The following SIGIRR variants were observed in gnomAD, a reference collection of about 807,000 sequenced individuals.
The protein encoded by SIGIRR is single Ig IL-1-related receptor.
Under a neutral mutation model 45.6 loss-of-function variants are expected in SIGIRR, and 41 were observed. The ratio of observed to expected loss-of-function variants is 0.90; its 90% CI spans 0.70 to 1.17. The LOEUF (loss-of-function observed/expected upper bound fraction) is 1.17, where lower values mean the gene tolerates loss of function less well. Ranked by LOEUF, SIGIRR falls within the 50% of genes most tolerant of loss-of-function variation. The probability of loss-of-function intolerance (pLI) is 0.00; values close to 1 mark genes in which losing one functional copy is unlikely to be tolerated. For missense variants in SIGIRR, 599 were observed against 539.6 expected (o/e 1.11, Z -1.09); for synonymous variants, 298 against 239.0 (o/e 1.25, Z -2.28).
Position 407,877 on chromosome 11 carries a change from T to C in SIGIRR, c.421A>G (p.Lys141Glu), listed in dbSNP as rs770068555. The C allele has an allele frequency of 6.2e-7, 1 of 1,612,486 alleles. No individual in the cohort carries two copies. The highest frequency in any genetic ancestry group is 1.1e-5 in the South Asian group (1 of 91,072). ...CAGAGCAGCACGTTGAGACGGCACT[T>C]GACATAGAGCAGGGCGGCCAGCAGC... ...ALLLAALLYV[K>E]CRLNVLLWYQ... The change falls in exon 5 of 10, where the codon AAG becomes GAG. Residue 141 changes from lysine (K) to glutamate (E), a missense_variant. Physicochemically the swap from Lys to Glu is moderately conservative, Grantham distance 56. Transcript: ENST00000431843.
At chr11:415,491 C>T (rs941191374), upstream of SIGIRR, among the ~76,000 whole-genome samples, 11 of 152,082 alleles carry the variant, frequency 7.2e-5, no homozygotes, top group East Asian at 1.9e-4. This position sits in a 1 kb window ranked among gnomAD's most constrained non-coding sequence, Gnocchi z 6.6. Flanking sequence ...GCCAAGGGGC[C>T]GGTTTGCTCC....
intron 6 of SIGIRR, 58 bp downstream of exon 6, chr11:407,367 G>GGGATA: frequency 1.4e-6 from 2 of 1,387,808 alleles, no homozygotes; most frequent in Non-Finnish European, 1.9e-6. Context: ...GACGGAGCAT[G>GGGATA]GGGCGGGGCG....
At chr11:411,262 G>T in intron 1 of SIGIRR, among the ~76,000 whole-genome samples, 1 of 3,520 alleles carries the variant, frequency 2.8e-4, no homozygotes, top group South Asian at 0.071. Context: ...ACCATGTCTG[G>T]ATACAGTCGG....
intron 1 of SIGIRR, among the ~76,000 whole-genome samples, chr11:413,214 C>G (rs564699565): frequency 7.9e-5 from 12 of 152,246 alleles, no homozygotes; most frequent in Middle Eastern, 3.4e-3. Context: ...CTTAGCCTGC[C>G]ACCTATTCCC....
chr11:407,344 G>C, intron 6 of SIGIRR, 81 bp downstream of exon 6: 2 of 1,258,062 alleles, frequency 1.6e-6, no homozygotes, highest in Non-Finnish European at 2.1e-6. Flanking sequence ...GGTGGGGGTG[G>C]GGCCCCGGGT....
At position 414,940 on chromosome 11, in the gene SIGIRR, G is replaced by A; in HGVS notation, c.-271C>T. On this transcript the variant is annotated 5_prime_UTR_variant, in exon 1 of 10. Coordinates refer to ENST00000431843, the MANE Select transcript of SIGIRR (RefSeq NM_001135054.2). ...CCACAGCACCAAGGCTGCTATGGATGCATCGCCAAGCGCGGTGGGGACCTG... is the reference window on the plus strand; with the variant it reads ...CCACAGCACCAAGGCTGCTATGGATACATCGCCAAGCGCGGTGGGGACCTG... 1.1e-6 allele frequency: 1 copy of A among 922,598 alleles called. No individual in the cohort carries two copies. Among genetic ancestry groups the A allele is most frequent in the Middle Eastern group, 5.6e-4 (1 of 1,776 alleles). 57.2% of individuals were successfully genotyped at this position (922,598 alleles called of 1,614,324 possible).
rs146668030 is a variant in SIGIRR, at chr11:408,132, C to G, written c.281G>C (p.Gly94Ala). ...GTTCTGGATGGAGCAGGTGAAGGCC[C>G]CATAGACTTCAGTGCTGGTCACGTT... ...GVNVTSTEVY[G>A]AFTCSIQNIS... The change falls in exon 4 of 10, where the codon GGG becomes GCG. Residue 94 changes from glycine to alanine, a missense_variant. Transcript: ENST00000431843. 17 of 1,612,668 alleles carry G rather than the reference C, an allele frequency of 1.1e-5. No individual in the cohort carries two copies. Among genetic ancestry groups the G allele is most frequent in the Non-Finnish European group, 8.5e-7 (1 of 1,179,974 alleles).
chr11:410,542 G>C (rs1847543378), intron 1 of SIGIRR, among the ~76,000 whole-genome samples: 1 of 145,560 alleles, frequency 6.9e-6, no homozygotes, highest in African/African-American at 2.6e-5. Flanking sequence ...AGTTGGGGTG[G>C]GGGTGCCCAG....
At position 405,823 on chromosome 11, in the gene SIGIRR, C is replaced by T; in HGVS notation, c.*73G>A. 2 of 1,513,902 alleles carry T rather than the reference C, an allele frequency of 1.3e-6. No individual in the cohort carries two copies. The highest frequency in any genetic ancestry group is 1.8e-6 in the Non-Finnish European group (2 of 1,124,216). 93.8% of individuals were successfully genotyped at this position (1,513,902 alleles called of 1,614,324 possible). A position where few individuals can be genotyped will look rare whatever the true frequency, so the allele number is the denominator to read the frequency against. Reference sequence around the variant, plus strand: ...CAGGGCTGCTGGCAGGGGTTGTGGTCCTGTTGAGCAGAGGAGCGACGCCGC... The same window carrying T: ...CAGGGCTGCTGGCAGGGGTTGTGGTTCTGTTGAGCAGAGGAGCGACGCCGC... On this transcript the variant is annotated 3_prime_UTR_variant, in exon 10 of 10. Coordinates refer to ENST00000431843, the MANE Select transcript of SIGIRR (RefSeq NM_001135054.2).
chr11:417,059 G>A (rs546892161), upstream of SIGIRR, among the ~76,000 whole-genome samples: 1 of 152,332 alleles, frequency 6.6e-6, no homozygotes, highest in African/African-American at 2.4e-5. The surrounding 1 kb of genome is among the most constrained non-coding windows in gnomAD (Gnocchi z 4.2). Flanking sequence ...TCACCAAAAA[G>A]CCGCTGACCA....
intron 7 of SIGIRR, 26 bp downstream of exon 7, chr11:407,036 C>T (rs1402219421): frequency 2.5e-6 from 4 of 1,575,762 alleles, no homozygotes; most frequent in Non-Finnish European, 3.4e-6. Context: ...TACGCTGGGG[C>T]CCACCCAACC....
intron 1 of SIGIRR, 138 bp downstream of exon 1, chr11:414,685 G>A: frequency 2.0e-6 from 1 of 504,604 alleles, no homozygotes; most frequent in Non-Finnish European, 2.6e-6. Flanking sequence ...GGCCGCTGAT[G>A]CGACACAGCC....
chr11:407,355 G>A (rs2133620829), intron 6 of SIGIRR, 70 bp downstream of exon 6: 2 of 1,291,724 alleles, frequency 1.5e-6, no homozygotes, highest in South Asian at 1.5e-5. Context: ...GGCCCCGGGT[G>A]GGACGGAGCA....
chr11:413,045 C>G (rs1847743757), intron 1 of SIGIRR, among the ~76,000 whole-genome samples: 2 of 152,184 alleles, frequency 1.3e-5, no homozygotes, highest in African/African-American at 4.8e-5. Flanking sequence ...GCCACAGGGT[C>G]ACCCTGTTTA....
intron 1 of SIGIRR, among the ~76,000 whole-genome samples, chr11:413,587 C>T (rs1032212294): frequency 6.6e-6 from 1 of 151,894 alleles, no homozygotes; most frequent in Non-Finnish European, 1.5e-5. Flanking sequence ...GGCAGACTGC[C>T]AGGATACGAG....
intron 1 of SIGIRR, among the ~76,000 whole-genome samples, chr11:412,787 A>G (rs1338845899): frequency 1.3e-5 from 2 of 151,964 alleles, no homozygotes; most frequent in African/African-American, 2.4e-5. Context: ...GTGAGCACAG[A>G]CACCTCGAAA....
At chr11:407,315 GA>G in intron 6 of SIGIRR, 109 bp downstream of exon 6, 1 of 780,444 alleles carries the variant, frequency 1.3e-6, no homozygotes, top group South Asian at 2.0e-5. Flanking sequence ...GGTGGGCGGG[GA>G]TGGGGGCGGA....
At position 406,501 on chromosome 11, in the gene SIGIRR, G is replaced by A. The variant is rs147250692; in HGVS notation, c.917C>T (p.Ala306Val). 9 of 1,611,222 alleles carry A rather than the reference G, an allele frequency of 5.6e-6. No homozygotes were observed. The highest frequency in any genetic ancestry group is 4.0e-5 in the African/African-American group (3 of 75,038). ...SSDFWKEVQLALPRKVQYRPV... is the reference protein window; with the variant it reads ...SSDFWKEVQLVLPRKVQYRPV... ...CCTGTACTGCACCTTCCGCGGCAGC[G>A]CCAGCTGCACTTCTTTCCAAAAATC... The change falls in exon 9 of 10, where the codon GCG becomes GTG. Residue 306 changes from alanine (A) to valine (V), a missense_variant. Coordinates refer to ENST00000431843, the MANE Select transcript of SIGIRR (RefSeq NM_001135054.2).
At chr11:410,498 T>TGG (rs1847537990) in intron 1 of SIGIRR, among the ~76,000 whole-genome samples, 1 of 99,746 alleles carries the variant, frequency 1.0e-5, no homozygotes. Flanking sequence ...ATACAGTCGG[T>TGG]GGGGGGTGCT....
Sources: gnomAD v4.1 joint callset for allele counts (sites outside exome capture counted in the v4.1 genomes callset) on GRCh38, gnomAD v4.1.1 for gene constraint, Gnocchi (gnomAD v3.1) non-coding constraint, MANE v1.5 for transcripts, NCBI Gene and HGNC (gene_info 2026-07-23, HGNC 2026-07-21) for gene names.